The following MLLT10 variants were observed in gnomAD, a reference collection of about 807,000 sequenced individuals.
The protein encoded by MLLT10 is protein AF-10.
A neutral mutation model predicts 129.1 loss-of-function variants in MLLT10; 30 were observed. The observed-to-expected ratio is 0.23, with a 90% CI of 0.17 to 0.32. The LOEUF (loss-of-function observed/expected upper bound fraction) is 0.32, where lower values mean the gene tolerates loss of function less well. Among genes scored for constraint, MLLT10 ranks in the 10% least tolerant of loss-of-function variants. The probability of loss-of-function intolerance (pLI) is 1.00; values close to 1 mark genes in which losing one functional copy is unlikely to be tolerated. For synonymous variants in MLLT10, 490 were observed against 446.4 expected (o/e 1.10, Z -1.23); for missense variants, 1,119 against 1,268.3 (o/e 0.88, Z 1.79).
intron 10 of MLLT10, chr10:21,671,049 G>A (rs2051344365): frequency 1.6e-5 from 3 of 186,150 alleles, no homozygotes; most frequent in South Asian, 1.1e-4. Context: ...TGTTTGAGAC[G>A]GAATCTCGCT....
chr10:21,736,254 C>A (rs995639402), intron 21 of MLLT10, among the ~76,000 whole-genome samples: 3 of 152,038 alleles, frequency 2.0e-5, no homozygotes, highest in African/African-American at 7.2e-5. Context: ...ATAGTATGGG[C>A]TACGTATTGA....
chr10:21,610,646 T>C (rs940193236), intron 5 of MLLT10, among the ~76,000 whole-genome samples: 1 of 151,498 alleles, frequency 6.6e-6, no homozygotes, highest in African/African-American at 2.4e-5. Context: ...ATAAAAATTA[T>C]CATATTTTTA....
At chr10:21,599,671 C>T (rs1413289232) in intron 5 of MLLT10, among the ~76,000 whole-genome samples, 1 of 152,120 alleles carries the variant, frequency 6.6e-6, no homozygotes. Context: ...CTCAAGCAGT[C>T]CTTCCACTTC....
intron 21 of MLLT10, chr10:21,738,369 G>A (rs1165201175): frequency 7.8e-7 from 1 of 1,275,666 alleles, no homozygotes; most frequent in East Asian, 5.6e-5. Flanking sequence ...TTATTTGGGT[G>A]TCTTCCTATT....
chr10:21,735,605 G>A (rs934899149), intron 21 of MLLT10, among the ~76,000 whole-genome samples: 1 of 152,178 alleles, frequency 6.6e-6, no homozygotes, highest in Non-Finnish European at 1.5e-5. Flanking sequence ...ATAGGGAACC[G>A]AGGACCATTT....
intron 12 of MLLT10, among the ~76,000 whole-genome samples, 157 bp from the exon 13 acceptor site, chr10:21,682,068 T>G (rs1454535460): frequency 6.6e-6 from 1 of 152,226 alleles, no homozygotes; most frequent in East Asian, 1.9e-4. Context: ...TTATACCATG[T>G]AAAAATGGAG....
At chr10:21,570,230 G>A (rs965702086) in intron 3 of MLLT10, among the ~76,000 whole-genome samples, 2 of 151,472 alleles carry the variant, frequency 1.3e-5, no homozygotes, top group African/African-American at 4.9e-5. Context: ...GTGTGTGTGT[G>A]TGTGTGCGCG....
At chr10:21,626,062 G>C in intron 8 of MLLT10, 1 of 1,507,660 alleles carries the variant, frequency 6.6e-7, no homozygotes, top group Admixed American at 1.7e-5. Context: ...GCAAGGCCTT[G>C]ATCTTCACTT....
intron 14 of MLLT10, among the ~76,000 whole-genome samples, chr10:21,723,983 GA>G (rs1031799666): frequency 6.6e-6 from 1 of 152,106 alleles, no homozygotes; most frequent in South Asian, 2.1e-4. Context: ...TCTGGAGAGA[GA>G]AAAAAATCTT....
intron 3 of MLLT10, chr10:21,556,711 C>T (rs755332759): frequency 1.2e-5 from 20 of 1,612,340 alleles, no homozygotes; most frequent in Admixed American, 8.3e-5. Context: ...AACATCACTG[C>T]GCATGTGCAT....
intron 11 of MLLT10, among the ~76,000 whole-genome samples, chr10:21,679,345 T>C (rs1328760640): frequency 1.3e-5 from 2 of 152,252 alleles, no homozygotes; most frequent in East Asian, 3.9e-4. Flanking sequence ...TTTGGAAGAG[T>C]TGACAATCTG....
rs765667959 is a variant in MLLT10, at chr10:21,741,927, G to T, written c.3163-12G>T. The stretch of plus-strand genomic sequence containing the variant: ...ATTTAGCTAACGCATCTGCTCTTTT[G>T]TTTACCTGCAGAGACTTAGTGATAA... On this transcript the variant is annotated splice_polypyrimidine_tract_variant and intron_variant, in intron 22 of 22. Coordinates refer to ENST00000307729, the MANE Select transcript of MLLT10 (RefSeq NM_001195626.3). 6.2e-7 allele frequency: 1 copy of T among 1,608,922 alleles called. No individual in the cohort carries two copies. The highest frequency in any genetic ancestry group is 1.1e-5 in the South Asian group (1 of 90,002).
chr10:21,681,005 A>G (rs1393983474), intron 11 of MLLT10, among the ~76,000 whole-genome samples: 1 of 152,026 alleles, frequency 6.6e-6, no homozygotes, highest in Non-Finnish European at 1.5e-5. Context: ...GTTGCGAATC[A>G]TACTTTCTCC....
intron 5 of MLLT10, among the ~76,000 whole-genome samples, chr10:21,598,136 C>T (rs1221090392): frequency 6.6e-6 from 1 of 152,224 alleles, no homozygotes; most frequent in South Asian, 2.1e-4. Flanking sequence ...TTACATTCAT[C>T]AGTTGACATT....
At chr10:21,578,774 G>C (rs2041059285) in intron 3 of MLLT10, among the ~76,000 whole-genome samples, 1 of 152,126 alleles carries the variant, frequency 6.6e-6, no homozygotes, top group Non-Finnish European at 1.5e-5. Context: ...AGTATACAAA[G>C]CTTGTAAGTT....
Position 21,670,547 on chromosome 10 carries a change from T to C in MLLT10, c.894T>C (p.Ser298=), listed in dbSNP as rs2051290220. The part of the protein sequence containing the change: ...RFTNANFQEV[S]AHTSSGKDVS... ...CAAATGCAAATTTCCAGGAAGTCTC[T>C]GCACACACCTCTAGTGGAAAAGATG... Residue 298 remains serine, a synonymous_variant, in exon 10 of 23, where the codon TCT becomes TCC. Coordinates refer to ENST00000307729, the MANE Select transcript of MLLT10 (RefSeq NM_001195626.3). 1 of 1,614,054 alleles carries C rather than the reference T, an allele frequency of 6.2e-7. No individual in the cohort carries two copies. The highest frequency in any genetic ancestry group is 8.5e-7 in the Non-Finnish European group (1 of 1,180,038).
intron 10 of MLLT10, among the ~76,000 whole-genome samples, chr10:21,671,349 C>T (rs904428773): frequency 8.5e-5 from 13 of 152,078 alleles, no homozygotes; most frequent in African/African-American, 3.1e-4. Context: ...TTTATATTTC[C>T]TAAACATTAA....
At chr10:21,653,625 G>A (rs1388663784) in intron 9 of MLLT10, among the ~76,000 whole-genome samples, 1 of 152,130 alleles carries the variant, frequency 6.6e-6, no homozygotes, top group East Asian at 1.9e-4. Context: ...CATCTGCAAA[G>A]CCCCTTTTGC....
intron 11 of MLLT10, among the ~76,000 whole-genome samples, chr10:21,677,515 T>C (rs1440919435): frequency 6.6e-6 from 1 of 152,224 alleles, no homozygotes; most frequent in East Asian, 1.9e-4. Flanking sequence ...TCCTGTGTAC[T>C]TAAATCATTC....
Sources: gnomAD v4.1 joint callset for allele counts (sites outside exome capture counted in the v4.1 genomes callset) on GRCh38, gnomAD v4.1.1 for gene constraint, MANE v1.5 for transcripts, NCBI Gene and HGNC (gene_info 2026-07-23, HGNC 2026-07-21) for gene names.